CSMD3: variants seen among roughly 807,000 people sequenced by gnomAD.
The protein encoded by CSMD3 is CUB and sushi domain-containing protein 3.
CSMD3 carries 177 observed loss-of-function variants against 435.2 expected under a neutral mutation model. That is an observed-to-expected ratio of 0.41 (90% CI 0.36 to 0.46). The LOEUF is 0.46. Ranked by LOEUF, CSMD3 falls within the 20% of genes least tolerant of loss-of-function variation. The pLI, the probability that CSMD3 is intolerant of heterozygous loss-of-function variation, is 0.34. For synonymous variants in CSMD3, 1,656 were observed against 1,520.5 expected (o/e 1.09, Z -2.07); for missense variants, 4,265 against 4,504.6 (o/e 0.95, Z 1.52).
intron 1 of CSMD3, among the ~76,000 whole-genome samples, chr8:113,353,037 C>T (rs927831705): frequency 2.6e-5 from 4 of 152,178 alleles, no homozygotes; most frequent in Non-Finnish European, 5.9e-5. Context: ...AGGAAATAGG[C>T]TTTTGAACTG....
At chr8:113,341,591 G>A (rs2094119081) in intron 1 of CSMD3, among the ~76,000 whole-genome samples, 1 of 152,008 alleles carries the variant, frequency 6.6e-6, no homozygotes, top group South Asian at 2.1e-4. Context: ...ATATATATGA[G>A]ACATGCTATA....
At chr8:112,633,848 G>A (rs899524388) in intron 22 of CSMD3, among the ~76,000 whole-genome samples, 3 of 151,904 alleles carry the variant, frequency 2.0e-5, no homozygotes, top group East Asian at 1.9e-4. Flanking sequence ...TTTAGTAAAC[G>A]TTAATATTAG....
intron 45 of CSMD3, among the ~76,000 whole-genome samples, chr8:112,333,213 G>A (rs769184576): frequency 2.6e-5 from 4 of 152,138 alleles, no homozygotes; most frequent in Non-Finnish European, 5.9e-5. Flanking sequence ...TGTTGCCCAC[G>A]CTGGAGTGCA....
chr8:112,765,519 G>A (rs761469936), intron 13 of CSMD3, among the ~76,000 whole-genome samples: 34 of 151,754 alleles, frequency 2.2e-4, no homozygotes, highest in Non-Finnish European at 4.3e-4. Context: ...ATAATCCAGC[G>A]TGCAGGAGGT....
At chr8:113,310,059 G>A (rs1001308342) in intron 2 of CSMD3, 5 of 152,176 alleles carry the variant, frequency 3.3e-5, no homozygotes, top group Non-Finnish European at 7.3e-5. Flanking sequence ...CATCCAAAGT[G>A]ATAGGCCATA....
chr8:112,971,351 A>T (rs994282991), intron 7 of CSMD3, among the ~76,000 whole-genome samples: 2 of 152,260 alleles, frequency 1.3e-5, no homozygotes, highest in South Asian at 4.1e-4. Flanking sequence ...TGACTTTGGG[A>T]ATTGAACTTA....
rs1258218455 is a variant in CSMD3, at chr8:112,336,725, G to C, written c.6946C>G (p.Pro2316Ala). ...FQDCFWLVRV[P>A]PGNGIYINFT... ...TTGATGTAGATGCCATTCCCAGGGG[G>C]TACTCTTACAAGCCAAAAACAATCT... The change falls in exon 44 of 71, where the codon CCC (proline) becomes GCC (alanine). Residue 2316 changes from proline (P) to alanine (A), a missense_variant. Physicochemically the swap from Pro to Ala is conservative, Grantham distance 27 (BLOSUM62 -1). This residue lies in a region of CSMD3 where 3,255 missense variants were observed against 3,380.2 expected (regional missense o/e 0.96). Coordinates refer to ENST00000297405, the MANE Select transcript of CSMD3 (RefSeq NM_198123.2). The C allele has an allele frequency of 1.9e-6, 3 of 1,612,980 alleles. No homozygotes were observed. The Admixed American group carries it at 5.0e-5, about 27-fold the overall frequency.
At chr8:113,307,783 A>G (rs1218726350) in intron 2 of CSMD3, among the ~76,000 whole-genome samples, 1 of 152,194 alleles carries the variant, frequency 6.6e-6, no homozygotes. Context: ...TAGGCATCAC[A>G]AAAGTGCAAA....
intron 3 of CSMD3, among the ~76,000 whole-genome samples, chr8:113,240,246 C>T (rs1488125372): frequency 1.3e-5 from 2 of 152,080 alleles, no homozygotes; most frequent in African/African-American, 4.8e-5. Context: ...TTTTCTTTGT[C>T]CAGTCCATCA....
intron 41 of CSMD3, 97 bp downstream of exon 41, chr8:112,346,000 G>A (rs1825634623): frequency 3.7e-6 from 3 of 809,796 alleles, no homozygotes; most frequent in Non-Finnish European, 6.6e-6. Context: ...ACTGCAATTT[G>A]TGAAGATTTT....
rs1394348983 is a variant in CSMD3 at position 112,282,867 on chromosome 8, A to AAACCTGCATTTACAT, written c.9332-1532_9332-1518dup. Among the ~76,000 whole-genome samples, 4 of 152,232 alleles carry AAACCTGCATTTACAT rather than the reference A, an allele frequency of 2.6e-5. No homozygotes were observed. In the East Asian group the frequency reaches 5.8e-4, roughly 22 times the overall value. On this transcript the variant is annotated intron_variant, in intron 58 of 70. Coordinates refer to ENST00000297405, the MANE Select transcript of CSMD3 (RefSeq NM_198123.2). ...AAATGATTTATTGTTGCCTGTGAAT[A>AAACCTGCATTTACAT]AACCTGCATTTACATTTAGTACTAG...
chr8:113,348,315 G>C (rs932088033), intron 1 of CSMD3, among the ~76,000 whole-genome samples: 1 of 152,110 alleles, frequency 6.6e-6, no homozygotes, highest in Non-Finnish European at 1.5e-5. Context: ...AGGAAAAATG[G>C]AAGCACAGGG....
chr8:112,589,829 G>A (rs1244618904), intron 22 of CSMD3, among the ~76,000 whole-genome samples: 2 of 152,074 alleles, frequency 1.3e-5, no homozygotes, highest in South Asian at 4.1e-4. Context: ...GATCCAACCG[G>A]TAAAGGCGAG....
At chr8:112,819,778 G>A (rs1053800763) in intron 12 of CSMD3, among the ~76,000 whole-genome samples, 1 of 152,132 alleles carries the variant, frequency 6.6e-6, no homozygotes, top group Non-Finnish European at 1.5e-5. Context: ...CATTGTACAT[G>A]ATGAAGTATT....
At chr8:112,984,987 TA>T (rs1464091643) in intron 6 of CSMD3, among the ~76,000 whole-genome samples, 1 of 122,064 alleles carries the variant, frequency 8.2e-6, no homozygotes, top group Non-Finnish European at 1.8e-5. Flanking sequence ...AGATACATGA[TA>T]GATTATGATA....
At chr8:112,277,623 A>T (rs914640064) in intron 59 of CSMD3, among the ~76,000 whole-genome samples, 5 of 152,110 alleles carry the variant, frequency 3.3e-5, no homozygotes, top group African/African-American at 1.2e-4. Context: ...GCCAGTACCA[A>T]TTTACTGTAT....
At chr8:113,131,866 AACC>A (rs1387362384) in intron 4 of CSMD3, among the ~76,000 whole-genome samples, 2 of 152,194 alleles carry the variant, frequency 1.3e-5, no homozygotes, top group African/African-American at 4.8e-5. Flanking sequence ...TTTGGGAGCC[AACC>A]CCTTGCATCT....
intron 58 of CSMD3, among the ~76,000 whole-genome samples, chr8:112,286,646 T>C (rs1056061270): frequency 4.6e-5 from 7 of 152,082 alleles, no homozygotes; most frequent in Non-Finnish European, 8.8e-5. Flanking sequence ...AATTTATAAA[T>C]AAAACTTTAT....
At chr8:113,216,323 G>T (rs1472002648) in intron 3 of CSMD3, among the ~76,000 whole-genome samples, 7 of 151,762 alleles carry the variant, frequency 4.6e-5, no homozygotes, top group Non-Finnish European at 7.4e-5. Flanking sequence ...AGACAAAAAA[G>T]ATAAATCCTT....
Sources: allele counts gnomAD v4.1 joint callset (sites outside exome capture counted in the v4.1 genomes callset), GRCh38; gene constraint gnomAD v4.1.1; regional missense constraint gnomAD v4.1.1; transcripts MANE v1.5; gene names NCBI Gene and HGNC (gene_info 2026-07-23, HGNC 2026-07-21).